The following DGKK variants were observed in gnomAD, a reference collection of about 807,000 sequenced individuals.
The protein encoded by DGKK is diacylglycerol kinase kappa, also known as 142 kDa diacylglycerol kinase.
DGKK carries 35 observed loss-of-function variants against 92.2 expected under a neutral mutation model. The ratio of observed to expected loss-of-function variants is 0.38; its 90% CI spans 0.29 to 0.50. DGKK has a LOEUF of 0.50. DGKK is among the 20% of genes least tolerant of loss of function. DGKK has a pLI of 0.92. For synonymous variants in DGKK, 368 were observed against 360.6 expected, an observed-to-expected ratio of 1.02 and a Z score of -0.23; for missense variants, 910 against 992.2, an observed-to-expected ratio of 0.92 and a Z score of 1.11.
chrX:50,456,736 A>G (rs996372197), intron 1 of DGKK, among the ~76,000 whole-genome samples: 5 of 111,536 alleles, frequency 4.5e-5, no homozygotes, highest in African/African-American at 3.3e-5. Flanking sequence ...CACAATCAAT[A>G]TGGGCCTCCT....
intron 1 of DGKK, among the ~76,000 whole-genome samples, chrX:50,424,885 C>T (rs782634552): frequency 1.9e-4 from 21 of 111,558 alleles, no homozygotes; most frequent in Non-Finnish European, 3.2e-4. Flanking sequence ...TTGTCTTCAG[C>T]GGACTCATGA....
intron 1 of DGKK, among the ~76,000 whole-genome samples, chrX:50,433,776 C>T (rs1557230513): frequency 9.0e-6 from 1 of 111,248 alleles, no homozygotes; most frequent in African/African-American, 3.3e-5. Context: ...TAAGTGGAAG[C>T]TTCATGGGAG....
At chrX:50,421,836 G>C (rs1033939554) in intron 3 of DGKK, among the ~76,000 whole-genome samples, 1 of 111,801 alleles carries the variant, frequency 8.9e-6, no homozygotes, top group South Asian at 3.8e-4. Flanking sequence ...TCCCACCACT[G>C]AGGCTGGGAG....
At chrX:50,453,423 T>C (rs1464586887) in intron 1 of DGKK, among the ~76,000 whole-genome samples, 1 of 111,629 alleles carries the variant, frequency 9.0e-6, no homozygotes, top group Non-Finnish European at 1.9e-5. Context: ...TAGAGTATGA[T>C]ACAAAAATCA....
chrX:50,397,000 A>T (rs1251560522), intron 8 of DGKK, among the ~76,000 whole-genome samples: 2 of 112,094 alleles, frequency 1.8e-5, no homozygotes, highest in Non-Finnish European at 3.8e-5. Flanking sequence ...TTGAAAAGTG[A>T]CCTTGACAGG....
At chrX:50,443,704 TTGTG>T (rs58486620) in intron 1 of DGKK, among the ~76,000 whole-genome samples, 213 of 99,572 alleles carry the variant, frequency 2.1e-3, no homozygotes, top group Non-Finnish European at 3.3e-3. Context: ...TGCACTCATT[TTGTG>T]TGTGTGTGTG....
intron 4 of DGKK, among the ~76,000 whole-genome samples, chrX:50,416,505 T>C (rs782758744): frequency 8.9e-6 from 1 of 112,537 alleles, no homozygotes; most frequent in East Asian, 2.8e-4. Context: ...ACAGATATAA[T>C]TCCATAAAGG....
chrX:50,468,141 G>T (rs1926957298), intron 1 of DGKK, among the ~76,000 whole-genome samples: 2 of 112,064 alleles, frequency 1.8e-5, no homozygotes, highest in South Asian at 7.6e-4. Flanking sequence ...TTCCTCATCT[G>T]TCTGGCAATG....
chrX:50,457,524 G>C (rs1327558692), intron 1 of DGKK, among the ~76,000 whole-genome samples: 2 of 111,998 alleles, frequency 1.8e-5, no homozygotes, highest in Non-Finnish European at 3.8e-5. Context: ...TAATTGTACT[G>C]TTTTATGTGC....
At position 50,401,053 on chromosome X, in the gene DGKK, G is replaced by C; in HGVS notation, c.1395C>G (p.Ser465Arg). The change falls in exon 8 of 28, where the codon AGC (serine) becomes AGG (arginine). Residue 465 changes from serine (S) to arginine (R), a missense_variant. Ser to Arg is a moderately radical substitution (Grantham distance 110). Coordinates refer to ENST00000611977, the MANE Select transcript of DGKK (RefSeq NM_001013742.4). ...RSSVIPPTAL[S>R]DPKGDGQLVV... ...ACTACTCACCATCGCCTTTGGGGTC[G>C]CTTAGAGCAGTGGGAGGAATGACTG... 5.0e-6 allele frequency: 6 copies of C among 1,198,913 alleles called. No homozygotes were observed. The highest frequency in any genetic ancestry group is 4.5e-6 in the Non-Finnish European group (4 of 888,741).
intron 8 of DGKK, among the ~76,000 whole-genome samples, 195 bp downstream of exon 8, chrX:50,400,842 A>G (rs1924982620): frequency 9.0e-6 from 1 of 111,349 alleles, no homozygotes; most frequent in Non-Finnish European, 1.9e-5. Flanking sequence ...CCACATACAT[A>G]TACACCAGAA....
At chrX:50,375,589 A>G (rs981638386) in intron 24 of DGKK, among the ~76,000 whole-genome samples, 1 of 111,794 alleles carries the variant, frequency 8.9e-6, no homozygotes, top group African/African-American at 3.3e-5. Flanking sequence ...CCATGGGGTG[A>G]CACATTTAAC....
At chrX:50,447,350 TATATATA>T (rs1442363069) in intron 1 of DGKK, among the ~76,000 whole-genome samples, 5 of 8,210 alleles carry the variant, frequency 6.1e-4, no homozygotes, top group Non-Finnish European at 8.5e-4. Flanking sequence ...ATATTATATA[TATATATA>T]ATATATATAT....
chrX:50,376,102 G>A lies in DGKK; in HGVS notation c.3336C>T (p.Ser1112=), dbSNP rs369521039. 3.5e-5 allele frequency: 42 copies of A among 1,209,251 alleles called. No individual in the cohort carries two copies. The highest frequency in any genetic ancestry group is 1.0e-4 in the African/African-American group (6 of 57,206). The change falls in exon 24 of 28, where the codon AGC becomes AGT. Residue 1112 remains serine (S), a synonymous_variant. Transcript: ENST00000611977. ...VSVLMGSVNA[S]ANILNDIFYG... is the part of the protein sequence containing the mutation. ...AAAATATATCATTCAGGATGTTAGC[G>A]CTGGCATTCACAGAACCCATGAGGA...
rs1557234597 is a variant in DGKK, at chrX:50,470,779, A to G, written c.-101T>C. The G allele has an allele frequency of 3.1e-6, 3 of 975,837 alleles. No homozygotes were observed. 80.4% of individuals were successfully genotyped at this position (975,837 alleles called of 1,213,427 possible). ...CCACTCCAGTCCGGCAGCCCCTCGC[A>G]GGGTGCCAAACTTTCCCCCATCCCA... is the stretch of plus-strand genomic sequence containing the variant. On this transcript the variant is annotated 5_prime_UTR_variant, in exon 1 of 28. Transcript: ENST00000611977.
At chrX:50,376,352 TCTC>T (rs1198692401) in intron 23 of DGKK, among the ~76,000 whole-genome samples, 187 bp from the exon 24 acceptor site, 1 of 111,662 alleles carries the variant, frequency 9.0e-6, no homozygotes, top group African/African-American at 3.3e-5. Flanking sequence ...TTTCTACTCT[TCTC>T]TAGGTATTTA....
chrX:50,447,187 A>G (rs1462868194), intron 1 of DGKK, among the ~76,000 whole-genome samples: 3 of 89,609 alleles, frequency 3.3e-5, no homozygotes, highest in African/African-American at 4.5e-5. Context: ...TTGTGTGTGT[A>G]TATATATAAT....
At chrX:50,469,462 C>T (rs782040697) in intron 1 of DGKK, among the ~76,000 whole-genome samples, 2 of 112,804 alleles carry the variant, frequency 1.8e-5, no homozygotes, top group South Asian at 7.3e-4. Flanking sequence ...CTCGTCCTCA[C>T]CAGGAGTACC....
At chrX:50,411,479 G>A in intron 4 of DGKK, among the ~76,000 whole-genome samples, 1 of 111,823 alleles carries the variant, frequency 8.9e-6, no homozygotes, top group East Asian at 2.8e-4. Context: ...TAATCTCAGT[G>A]ATGCAGAAAA....
Sources: allele counts gnomAD v4.1 joint callset (sites outside exome capture counted in the v4.1 genomes callset), GRCh38; gene constraint gnomAD v4.1.1; transcripts MANE v1.5; gene names NCBI Gene and HGNC (gene_info 2026-07-23, HGNC 2026-07-21).